The following ANKS1B variants were observed in gnomAD, a reference collection of about 807,000 sequenced individuals.
ANKS1B encodes the protein ankyrin repeat and sterile alpha motif domain-containing protein 1B.
A neutral mutation model predicts 148.3 loss-of-function variants in ANKS1B; 36 were observed. The observed-to-expected ratio is 0.24, with a 90% CI of 0.19 to 0.32. ANKS1B has a LOEUF of 0.32. ANKS1B is among the 10% of genes least tolerant of loss of function. ANKS1B has a pLI of 1.00. For missense variants in ANKS1B, 1,157 were observed against 1,542.6 expected, an observed-to-expected ratio of 0.75 and a Z score of 4.19; for synonymous variants, 542 against 560.8, an observed-to-expected ratio of 0.97 and a Z score of 0.47.
intron 17 of ANKS1B, among the ~76,000 whole-genome samples, chr12:98,842,449 G>A (rs1364857368): frequency 6.6e-6 from 1 of 152,202 alleles, no homozygotes; most frequent in Non-Finnish European, 1.5e-5. Flanking sequence ...ACTGCAATGA[G>A]CATAAAGGAA....
intron 17 of ANKS1B, among the ~76,000 whole-genome samples, chr12:98,989,151 G>A (rs1037569044): frequency 1.3e-5 from 2 of 151,900 alleles, no homozygotes; most frequent in African/African-American, 4.8e-5. Context: ...TTGTTGCCTG[G>A]GCTTTTGGTT....
At chr12:99,578,728 G>A (rs1214073450) in intron 9 of ANKS1B, among the ~76,000 whole-genome samples, 2 of 152,100 alleles carry the variant, frequency 1.3e-5, no homozygotes, top group East Asian at 3.9e-4. Context: ...AACATTCCAT[G>A]CTCATGGATA....
At chr12:99,310,057 T>C (rs1422471114) in intron 12 of ANKS1B, among the ~76,000 whole-genome samples, 1 of 152,150 alleles carries the variant, frequency 6.6e-6, no homozygotes, top group Non-Finnish European at 1.5e-5. Context: ...GTTTCTTACC[T>C]CTTTTGGCCA....
intron 16 of ANKS1B, among the ~76,000 whole-genome samples, chr12:99,065,025 T>C (rs903174795): frequency 9.9e-5 from 15 of 152,156 alleles, no homozygotes; most frequent in African/African-American, 3.6e-4. Flanking sequence ...AGATTAAAGA[T>C]GAACAGAGGA....
At chr12:99,820,535 C>G (rs2153677874) in intron 2 of ANKS1B, among the ~76,000 whole-genome samples, 1 of 152,046 alleles carries the variant, frequency 6.6e-6, no homozygotes, top group South Asian at 2.1e-4. Context: ...CAGCGACAAA[C>G]ATGGAAATGA....
intron 20 of ANKS1B, among the ~76,000 whole-genome samples, chr12:98,802,881 C>A (rs1216952735): frequency 6.6e-6 from 1 of 151,870 alleles, no homozygotes; most frequent in East Asian, 1.9e-4. Context: ...TATTTTTGTA[C>A]ACATTTATGG....
At chr12:99,593,235 T>A (rs1027156844) in intron 9 of ANKS1B, among the ~76,000 whole-genome samples, 1 of 150,486 alleles carries the variant, frequency 6.6e-6, no homozygotes, top group Admixed American at 6.6e-5. Flanking sequence ...ATTCAGATGG[T>A]TGGGGTTGGG....
At chr12:99,975,415 G>A (rs1224218401) in intron 1 of ANKS1B, among the ~76,000 whole-genome samples, 1 of 152,204 alleles carries the variant, frequency 6.6e-6, no homozygotes. Flanking sequence ...CTGGGTCCAT[G>A]ACGTTAGAGG....
intron 12 of ANKS1B, among the ~76,000 whole-genome samples, chr12:99,380,500 T>G (rs1035964061): frequency 3.9e-5 from 6 of 152,196 alleles, no homozygotes; most frequent in Admixed American, 2.6e-4. Flanking sequence ...GAACTTTGTT[T>G]TTCTAATTAA....
chr12:99,798,571 C>T (rs1226620304), intron 4 of ANKS1B, among the ~76,000 whole-genome samples: 15 of 151,874 alleles, frequency 9.9e-5, no homozygotes, highest in Middle Eastern at 3.4e-3. Context: ...GGGTATCTAA[C>T]TTTTAGGACC....
intron 17 of ANKS1B, among the ~76,000 whole-genome samples, chr12:98,994,671 T>C (rs1190525503): frequency 6.6e-6 from 1 of 152,172 alleles, no homozygotes; most frequent in African/African-American, 2.4e-5. Context: ...AAGGTCAAGG[T>C]GTCGGCAGGG....
At chr12:99,733,829 T>C (rs1363506306) in intron 8 of ANKS1B, among the ~76,000 whole-genome samples, 1 of 152,202 alleles carries the variant, frequency 6.6e-6, no homozygotes, top group Non-Finnish European at 1.5e-5. Flanking sequence ...CTCTTCCACC[T>C]AACCTGCCCA....
At chr12:99,163,429 A>C (rs1352168397) in intron 14 of ANKS1B, among the ~76,000 whole-genome samples, 1 of 151,594 alleles carries the variant, frequency 6.6e-6, no homozygotes, top group Non-Finnish European at 1.5e-5. Flanking sequence ...AAAAAAATCC[A>C]CTGACCCTGT....
At chr12:99,551,576 A>T (rs114378984) in intron 9 of ANKS1B, among the ~76,000 whole-genome samples, 1,513 of 141,530 alleles carry the variant, frequency 0.011, 48 homozygotes, top group African/African-American at 0.038. Flanking sequence ...AGGGGAGAGG[A>T]AGAATACTCT....
intron 3 of ANKS1B, among the ~76,000 whole-genome samples, chr12:99,809,925 G>A (rs141843634): frequency 1.3e-3 from 205 of 152,058 alleles, no homozygotes; most frequent in African/African-American, 4.8e-3. Context: ...GTGATGTTAC[G>A]GTCAATCTAC....
intron 4 of ANKS1B, among the ~76,000 whole-genome samples, chr12:99,802,029 G>A (rs2067014202): frequency 6.6e-6 from 1 of 152,060 alleles, no homozygotes; most frequent in Non-Finnish European, 1.5e-5. Context: ...TATCATCTAG[G>A]GAAATCAGAG....
At chr12:99,256,422 ATTATT>A (rs1369699335) in intron 12 of ANKS1B, among the ~76,000 whole-genome samples, 1 of 152,104 alleles carries the variant, frequency 6.6e-6, no homozygotes, top group Non-Finnish European at 1.5e-5. Flanking sequence ...ATCAGGTGTT[ATTATT>A]TTATTCAGAC....
At chr12:99,352,493 G>C (rs560865064) in intron 12 of ANKS1B, among the ~76,000 whole-genome samples, 1 of 152,054 alleles carries the variant, frequency 6.6e-6, no homozygotes, top group East Asian at 1.9e-4. Flanking sequence ...TTGAGTTCTG[G>C]CATAACTACC....
intron 17 of ANKS1B, among the ~76,000 whole-genome samples, chr12:98,850,602 G>C (rs1216025624): frequency 6.6e-6 from 1 of 151,522 alleles, no homozygotes; most frequent in Non-Finnish European, 1.5e-5. Context: ...TGAGTAGCTG[G>C]GACTACTGGC....
Sources: gnomAD v4.1 joint callset for allele counts (sites outside exome capture counted in the v4.1 genomes callset) on GRCh38, gnomAD v4.1.1 for gene constraint, MANE v1.5 for transcripts, NCBI Gene and HGNC (gene_info 2026-07-23, HGNC 2026-07-21) for gene names.